ZFAND3: variants seen among roughly 807,000 people sequenced by gnomAD.
The protein encoded by ZFAND3 is AN1-type zinc finger protein 3.
Under a neutral mutation model 29.6 loss-of-function variants are expected in ZFAND3, and 10 were observed. That is an observed-to-expected ratio of 0.34 (90% confidence interval 0.21 to 0.57). ZFAND3 has a LOEUF of 0.57. ZFAND3 is among the 20% of genes least tolerant of loss of function. The pLI is 0.86. For missense variants in ZFAND3, 230 were observed against 304.5 expected, an observed-to-expected ratio of 0.76 and a Z score of 1.82; for synonymous variants, 128 against 112.6, an observed-to-expected ratio of 1.14 and a Z score of -0.87.
At chr6:37,941,200 G>C (rs369625676) in intron 2 of ZFAND3, among the ~76,000 whole-genome samples, 3 of 152,186 alleles carry the variant, frequency 2.0e-5, no homozygotes, top group East Asian at 3.8e-4. Flanking sequence ...GTTTAGACTT[G>C]GATCTAATCT....
intron 3 of ZFAND3, among the ~76,000 whole-genome samples, chr6:38,062,225 T>C (rs2127463828): frequency 6.6e-6 from 1 of 152,202 alleles, no homozygotes; most frequent in African/African-American, 2.4e-5. Flanking sequence ...GCTTTACCTC[T>C]GTCACTAACT....
intron 2 of ZFAND3, among the ~76,000 whole-genome samples, chr6:38,026,235 C>T (rs986007094): frequency 6.6e-6 from 1 of 151,910 alleles, no homozygotes; most frequent in Non-Finnish European, 1.5e-5. Context: ...TGTTTTATGA[C>T]TTTTCTTCAT....
intron 4 of ZFAND3, among the ~76,000 whole-genome samples, chr6:38,083,253 A>C (rs145480428): frequency 1.3e-5 from 2 of 152,226 alleles, no homozygotes; most frequent in East Asian, 3.9e-4. Flanking sequence ...AGCTCCTTTA[A>C]ATGCTCATAA....
chr6:38,046,022 C>T (rs2842504), intron 2 of ZFAND3, among the ~76,000 whole-genome samples: 140,464 of 152,252 alleles, frequency 0.92, 65,572 homozygotes, highest in East Asian at 1. Flanking sequence ...CTTTTTCTTA[C>T]ACCATCCCTC....
chr6:38,130,106 G>T (rs989472163), intron 5 of ZFAND3, among the ~76,000 whole-genome samples: 1 of 151,884 alleles, frequency 6.6e-6, no homozygotes, highest in Non-Finnish European at 1.5e-5. Context: ...TGCACCTATT[G>T]TAAAAGGGGT....
intron 2 of ZFAND3, among the ~76,000 whole-genome samples, chr6:37,931,739 T>A (rs748019039): frequency 2.0e-5 from 3 of 152,062 alleles, no homozygotes; most frequent in African/African-American, 7.2e-5. Flanking sequence ...AGAGATTTTT[T>A]TTGTTGTTGT....
chr6:37,829,239 A>C (rs574858555), intron 1 of ZFAND3, among the ~76,000 whole-genome samples: 1 of 151,684 alleles, frequency 6.6e-6, no homozygotes, highest in East Asian at 1.9e-4. Context: ...CTTTAAAAAA[A>C]AAAAAAGTGG....
chr6:38,131,577 T>G (rs948394140), intron 5 of ZFAND3, among the ~76,000 whole-genome samples: 16 of 152,242 alleles, frequency 1.1e-4, no homozygotes, highest in Admixed American at 3.9e-4. Flanking sequence ...TGAGGTTTCA[T>G]ATTGGTTCCA....
rs958860198 is a variant in ZFAND3, at chr6:38,073,338, A to G, written c.296-9054A>G. ...GTCTTGCTAGCTGAACTATGTTTGA[A>G]AAAAAAAAAAAAAAGCTCTTCCAGT... On this transcript the variant is annotated intron_variant, in intron 3 of 5. Coordinates refer to ENST00000287218, the MANE Select transcript of ZFAND3 (RefSeq NM_021943.3). 3.0e-3 allele frequency among the ~76,000 whole-genome samples: 421 copies of G among 141,684 alleles called. 2 individuals carry two copies. The highest frequency in any genetic ancestry group is 0.012 in the African/African-American group (402 of 34,724). The allele number at this position is 141,684 out of a possible 152,430, so 93.0% of individuals were successfully genotyped here.
intron 1 of ZFAND3, among the ~76,000 whole-genome samples, chr6:37,827,559 T>C (rs1299321541): frequency 6.6e-6 from 1 of 152,184 alleles, no homozygotes; most frequent in Non-Finnish European, 1.5e-5. Flanking sequence ...GGTTACCATA[T>C]ATAGAGAAAG....
At chr6:38,012,630 G>T (rs1009876877) in intron 2 of ZFAND3, among the ~76,000 whole-genome samples, 1 of 152,130 alleles carries the variant, frequency 6.6e-6, no homozygotes, top group Non-Finnish European at 1.5e-5. Context: ...AGCCGCCTCG[G>T]CCTTCCAAAG....
At chr6:37,837,374 A>G (rs1189077448) in intron 1 of ZFAND3, among the ~76,000 whole-genome samples, 1 of 151,896 alleles carries the variant, frequency 6.6e-6, no homozygotes, top group Non-Finnish European at 1.5e-5. Flanking sequence ...GCTGTGTGTG[A>G]TTTTCTGTAA....
At chr6:38,145,109 G>A (rs1410186531) in intron 5 of ZFAND3, among the ~76,000 whole-genome samples, 2 of 152,192 alleles carry the variant, frequency 1.3e-5, no homozygotes, top group Admixed American at 6.5e-5. Flanking sequence ...CAGGATGTAA[G>A]GTGGGCTCCT....
chr6:37,879,207 G>T, intron 1 of ZFAND3, among the ~76,000 whole-genome samples: 1 of 152,228 alleles, frequency 6.6e-6, no homozygotes, highest in East Asian at 1.9e-4. Flanking sequence ...GAGAGAATAG[G>T]TTGGGACCAC....
chr6:37,958,520 T>A (rs962621245), intron 2 of ZFAND3, among the ~76,000 whole-genome samples: 5 of 152,054 alleles, frequency 3.3e-5, no homozygotes, highest in Admixed American at 1.3e-4. Flanking sequence ...AATGAGATTT[T>A]TAAAAAATAA....
intron 1 of ZFAND3, among the ~76,000 whole-genome samples, chr6:37,860,073 G>A (rs940718103): frequency 2.1e-5 from 3 of 146,196 alleles, no homozygotes; most frequent in African/African-American, 7.6e-5. Context: ...TAGTAGACGT[G>A]GGGTTTCACC....
intron 4 of ZFAND3, among the ~76,000 whole-genome samples, chr6:38,104,554 GGT>G: frequency 6.6e-6 from 1 of 152,148 alleles, no homozygotes; most frequent in Non-Finnish European, 1.5e-5. Flanking sequence ...AGATATGACT[GGT>G]GGAATGATGT....
intron 2 of ZFAND3, among the ~76,000 whole-genome samples, chr6:37,985,338 T>C (rs1762648510): frequency 6.6e-6 from 1 of 152,110 alleles, no homozygotes; most frequent in Non-Finnish European, 1.5e-5. Context: ...GTTTAACAAA[T>C]ACTGATACAT....
chr6:37,869,223 C>T (rs184674682), intron 1 of ZFAND3, among the ~76,000 whole-genome samples: 3 of 152,224 alleles, frequency 2.0e-5, no homozygotes, highest in Admixed American at 1.3e-4. Context: ...TGCAGTGGCA[C>T]GATCTTGGCT....
Sources: gnomAD v4.1 joint callset for allele counts (sites outside exome capture counted in the v4.1 genomes callset) on GRCh38, gnomAD v4.1.1 for gene constraint, MANE v1.5 for transcripts, NCBI Gene and HGNC (gene_info 2026-07-23, HGNC 2026-07-21) for gene names.